The following MET variants were observed in gnomAD, a reference collection of about 807,000 sequenced individuals.
MET encodes hepatocyte growth factor receptor.
A neutral mutation model predicts 133.1 loss-of-function variants in MET; 48 were observed. The ratio of observed to expected loss-of-function variants is 0.36; its 90% CI spans 0.29 to 0.46. The LOEUF (loss-of-function observed/expected upper bound fraction) is 0.46, where lower values mean the gene tolerates loss of function less well. MET is among the 20% of genes least tolerant of loss of function. MET has a pLI of 1.00. For missense variants in MET, 1,442 were observed against 1,695.9 expected, an observed-to-expected ratio of 0.85 and a Z score of 2.63; for synonymous variants, 628 against 616.5, an observed-to-expected ratio of 1.02 and a Z score of -0.28.
rs199898841 is a variant in MET, at chr7:116,699,234, A to G, written c.150A>G (p.Thr50=). The change falls in exon 2 of 21, where the codon ACA becomes ACG. Residue 50 remains threonine (T), a synonymous_variant. Transcript: ENST00000397752. The part of the protein sequence containing the change: ...KYQLPNFTAE[T]PIQNVILHEH... ...AGCTTCCCAACTTCACCGCGGAAACACCCATCCAGAATGTCATTCTACATG... is the reference window on the plus strand; with the variant it reads ...AGCTTCCCAACTTCACCGCGGAAACGCCCATCCAGAATGTCATTCTACATG... The G allele has an allele frequency of 1.2e-6, 2 of 1,613,860 alleles. No homozygotes were observed. Among genetic ancestry groups the G allele is most frequent in the African/African-American group, 2.7e-5 (2 of 74,896 alleles).
intron 3 of MET, among the ~76,000 whole-genome samples, chr7:116,733,974 G>A (rs2116796387): frequency 6.6e-6 from 1 of 152,222 alleles, no homozygotes; most frequent in Non-Finnish European, 1.5e-5. Context: ...GAAACCTAAA[G>A]CATTTGAAGG....
intron 2 of MET, among the ~76,000 whole-genome samples, chr7:116,728,800 ACT>A (rs1792888449): frequency 1.3e-5 from 2 of 152,006 alleles, no homozygotes; most frequent in African/African-American, 4.8e-5. Context: ...GTGGTCAAAG[ACT>A]CTCATTCACA....
chr7:116,752,445 G>A (rs146905991), intron 5 of MET, among the ~76,000 whole-genome samples: 4 of 152,288 alleles, frequency 2.6e-5, no homozygotes, highest in South Asian at 2.1e-4. Flanking sequence ...GCTTTATGCC[G>A]GACGCTCATT....
At chr7:116,762,288 A>G (rs917701958) in intron 10 of MET, among the ~76,000 whole-genome samples, 1 of 152,216 alleles carries the variant, frequency 6.6e-6, no homozygotes, top group African/African-American at 2.4e-5. Context: ...TAGGATTTAT[A>G]TTCGCTATTC....
At chr7:116,716,499 A>AAG (rs1166176802) in intron 2 of MET, among the ~76,000 whole-genome samples, 6 of 150,852 alleles carry the variant, frequency 4.0e-5, no homozygotes, top group African/African-American at 1.5e-4. Context: ...GAAAGAAAGA[A>AAG]AGAAAGAAAG....
chr7:116,734,747 C>T (rs185822587), intron 3 of MET, among the ~76,000 whole-genome samples: 28 of 152,246 alleles, frequency 1.8e-4, no homozygotes, highest in East Asian at 1.5e-3. Flanking sequence ...ACAATGAGAA[C>T]GTGCCTTCTT....
At chr7:116,724,828 G>A (rs1274090937) in intron 2 of MET, 1 of 1,289,308 alleles carries the variant, frequency 7.8e-7, no homozygotes, top group South Asian at 1.2e-5. Flanking sequence ...CCTAGGCTTA[G>A]TCCTAGCCCT....
At chr7:116,783,209 A>G (rs1795204148) in intron 18 of MET, 95 bp from the exon 19 acceptor site, 7 of 1,443,884 alleles carry the variant, frequency 4.8e-6, no homozygotes, top group Non-Finnish European at 6.8e-6. Context: ...TATGGATTTC[A>G]AATACTGAAG....
chr7:116,731,941 T>G, intron 3 of MET, 82 bp downstream of exon 3: 1 of 1,335,200 alleles, frequency 7.5e-7, no homozygotes, highest in African/African-American at 1.4e-5. Context: ...AGTAAGGTAT[T>G]TGCAAATACT....
intron 1 of MET, among the ~76,000 whole-genome samples, chr7:116,687,671 C>T (rs996198269): frequency 6.6e-6 from 1 of 152,144 alleles, no homozygotes; most frequent in Non-Finnish European, 1.5e-5. Flanking sequence ...AAAAAGAGAC[C>T]TTAGTTCATA....
chr7:116,754,789 C>T (rs1369390754), intron 5 of MET, among the ~76,000 whole-genome samples: 2 of 149,224 alleles, frequency 1.3e-5, no homozygotes, highest in Non-Finnish European at 3.0e-5. Context: ...TGCACTCCAG[C>T]CTGAACAACA....
intron 19 of MET, among the ~76,000 whole-genome samples, chr7:116,785,042 C>G (rs1003101252): frequency 6.6e-6 from 1 of 152,212 alleles, no homozygotes; most frequent in African/African-American, 2.4e-5. Context: ...AGTCCAAAAC[C>G]CAGCAAGGCA....
chr7:116,684,420 G>C (rs1450604409), intron 1 of MET, among the ~76,000 whole-genome samples: 1 of 152,190 alleles, frequency 6.6e-6, no homozygotes, highest in Non-Finnish European at 1.5e-5. Context: ...CACTCTGATG[G>C]GAGACACAGA....
At chr7:116,715,605 G>A (rs1191764562) in intron 2 of MET, among the ~76,000 whole-genome samples, 5 of 152,220 alleles carry the variant, frequency 3.3e-5, no homozygotes, top group Non-Finnish European at 7.3e-5. Context: ...TCGGCCTACT[G>A]TAGGTCTTCT....
At chr7:116,727,117 C>T (rs940081872) in intron 2 of MET, among the ~76,000 whole-genome samples, 4 of 152,120 alleles carry the variant, frequency 2.6e-5, no homozygotes, top group Admixed American at 2.6e-4. Flanking sequence ...GTACAGAATG[C>T]GAGTGGTTAT....
rs749481056 is a variant in MET, at chr7:116,783,489, T to C, written c.3798+20T>C. On this transcript the variant is annotated intron_variant, in intron 19 of 20. Coordinates refer to ENST00000397752, the MANE Select transcript of MET (RefSeq NM_000245.4). ...GATGTGGTAATGTATTGGTTATCTC[T>C]GAGTTTCTCCTCTTTTACTTTCATA... 1.9e-6 allele frequency: 3 copies of C among 1,613,560 alleles called. No individual in the cohort carries two copies. The highest frequency in any genetic ancestry group is 2.5e-6 in the Non-Finnish European group (3 of 1,179,754).
chr7:116,693,909 T>C (rs1233941546), intron 1 of MET, among the ~76,000 whole-genome samples: 1 of 152,204 alleles, frequency 6.6e-6, no homozygotes, highest in Admixed American at 6.5e-5. Context: ...TATTGAATCC[T>C]TAGAATAACT....
chr7:116,742,815 A>G (rs61248776), intron 5 of MET, among the ~76,000 whole-genome samples: 11,037 of 152,254 alleles, frequency 0.072, 641 homozygotes, highest in African/African-American at 0.15. Flanking sequence ...AGCTGCAGTT[A>G]GGAAGGCAGG....
chr7:116,731,612 T>C, intron 2 of MET, 56 bp from the exon 3 acceptor site: 1 of 1,586,618 alleles, frequency 6.3e-7, no homozygotes, highest in South Asian at 1.1e-5. Context: ...AAAGGTTTCT[T>C]ACCAGCTTGT....
Sources: allele counts gnomAD v4.1 joint callset (sites outside exome capture counted in the v4.1 genomes callset), GRCh38; gene constraint gnomAD v4.1.1; transcripts MANE v1.5; gene names NCBI Gene and HGNC (gene_info 2026-07-23, HGNC 2026-07-21).